IMMP2L: variants seen among roughly 807,000 people sequenced by gnomAD.
IMMP2L encodes inner mitochondrial membrane peptidase subunit 2.
In IMMP2L, 18 loss-of-function variants were observed where a neutral mutation model predicts 19.3. That is an observed-to-expected ratio of 0.93 (90% confidence interval 0.64 to 1.38). IMMP2L has a LOEUF of 1.38. IMMP2L is among the 40% of genes most tolerant of loss of function. IMMP2L has a pLI of 0.00. For synonymous variants in IMMP2L, 76 were observed against 73.0 expected (o/e 1.04, Z -0.21); for missense variants, 233 against 218.2 (o/e 1.07, Z -0.43).
chr7:111,304,627 TATAC>T (rs1418382940), intron 3 of IMMP2L, among the ~76,000 whole-genome samples: 3 of 151,646 alleles, frequency 2.0e-5, no homozygotes, highest in East Asian at 1.9e-4. Flanking sequence ...TATGGGTGTA[TATAC>T]ATACATAATG....
intron 3 of IMMP2L, among the ~76,000 whole-genome samples, chr7:111,098,849 T>A (rs1036111060): frequency 1.3e-5 from 2 of 151,750 alleles, no homozygotes; most frequent in Non-Finnish European, 3.0e-5. Context: ...TGCCTCCCGT[T>A]GGTACTGCCT....
chr7:111,250,659 T>C (rs560332934), intron 3 of IMMP2L, among the ~76,000 whole-genome samples: 1 of 152,238 alleles, frequency 6.6e-6, no homozygotes, highest in African/African-American at 2.4e-5. Flanking sequence ...GGGGAAAGGA[T>C]TCCCTATTTA....
chr7:111,422,624 C>T (rs759866148), intron 3 of IMMP2L, among the ~76,000 whole-genome samples: 18 of 151,776 alleles, frequency 1.2e-4, no homozygotes, highest in South Asian at 6.2e-4. Context: ...TGGGTTGAGA[C>T]GATAGTCTTT....
intron 3 of IMMP2L, among the ~76,000 whole-genome samples, chr7:111,399,060 A>G (rs1413561627): frequency 6.6e-6 from 1 of 152,154 alleles, no homozygotes; most frequent in Non-Finnish European, 1.5e-5. Flanking sequence ...TGCCAAAAGC[A>G]GTCTACAAAT....
intron 3 of IMMP2L, among the ~76,000 whole-genome samples, chr7:111,147,126 T>C (rs1377517611): frequency 1.3e-5 from 2 of 152,166 alleles, no homozygotes; most frequent in Non-Finnish European, 2.9e-5. Context: ...TTCTCTCAAA[T>C]TATTTGGAAG....
Position 111,377,426 on chromosome 7 carries a change from T to A in IMMP2L, c.239+109812A>T, listed in dbSNP as rs371723377. Among the ~76,000 whole-genome samples the A allele has an allele frequency of 2.5e-3, 385 of 152,082 alleles. 5 individuals carry two copies. Among genetic ancestry groups the A allele is most frequent in the African/African-American group, 8.7e-3 (362 of 41,520 alleles). ...CCCTCTATAGTACAGCTCTATAGTA[T>A]AGTATCCCTCTATAATACAGCTCTA... is the stretch of plus-strand genomic sequence containing the variant. On this transcript the variant is annotated intron_variant, in intron 3 of 5. Transcript: ENST00000405709.
At chr7:110,674,668 T>C (rs1266574619) in intron 5 of IMMP2L, among the ~76,000 whole-genome samples, 2 of 152,176 alleles carry the variant, frequency 1.3e-5, no homozygotes, top group South Asian at 2.1e-4. Context: ...ATATCCAAAA[T>C]TTGAAATGTT....
chr7:110,972,178 A>G (rs1436790223), intron 3 of IMMP2L, among the ~76,000 whole-genome samples: 2 of 152,040 alleles, frequency 1.3e-5, no homozygotes, highest in Non-Finnish European at 2.9e-5. Context: ...AAAAAAAAAA[A>G]ATACATGATG....
At chr7:110,927,557 A>G (rs1585299128) in intron 4 of IMMP2L, among the ~76,000 whole-genome samples, 1 of 152,136 alleles carries the variant, frequency 6.6e-6, no homozygotes, top group East Asian at 1.9e-4. Context: ...AGAATGGTCA[A>G]GGAGATGGAA....
At chr7:111,151,538 G>A (rs1804072571) in intron 3 of IMMP2L, among the ~76,000 whole-genome samples, 1 of 152,150 alleles carries the variant, frequency 6.6e-6, no homozygotes, top group Non-Finnish European at 1.5e-5. Flanking sequence ...ATAACCAAAT[G>A]TAAAATGTGG....
At chr7:111,138,167 C>T (rs1178974149) in intron 3 of IMMP2L, among the ~76,000 whole-genome samples, 1 of 152,032 alleles carries the variant, frequency 6.6e-6, no homozygotes. Context: ...CTTTAAAATA[C>T]AAAAAGGTAC....
At chr7:111,376,219 G>A (rs1273375357) in intron 3 of IMMP2L, among the ~76,000 whole-genome samples, 2 of 151,686 alleles carry the variant, frequency 1.3e-5, no homozygotes, top group African/African-American at 2.4e-5. Context: ...CAAGTTTTTT[G>A]GTAAAAAAAA....
At chr7:111,254,415 T>C (rs1168090465) in intron 3 of IMMP2L, among the ~76,000 whole-genome samples, 4 of 152,056 alleles carry the variant, frequency 2.6e-5, no homozygotes, top group African/African-American at 9.7e-5. Context: ...TTTTCACCTA[T>C]CAATCTCTCA....
chr7:111,360,044 C>G (rs995371484), intron 3 of IMMP2L, among the ~76,000 whole-genome samples: 3 of 152,052 alleles, frequency 2.0e-5, no homozygotes, highest in Non-Finnish European at 4.4e-5. Flanking sequence ...CAATTCCTAT[C>G]CTGTTGAAAT....
intron 5 of IMMP2L, among the ~76,000 whole-genome samples, chr7:110,787,477 G>C (rs1013212525): frequency 2.0e-5 from 3 of 151,852 alleles, no homozygotes; most frequent in African/African-American, 7.2e-5. Context: ...ATCCACTTCA[G>C]AAATAATCAA....
chr7:111,014,008 A>T (rs1260105272), intron 3 of IMMP2L, among the ~76,000 whole-genome samples: 1 of 152,128 alleles, frequency 6.6e-6, no homozygotes, highest in Non-Finnish European at 1.5e-5. Flanking sequence ...TATTCACAGC[A>T]AAACTTCATT....
In IMMP2L at chr7:111,445,512, T is replaced by C. The variant is rs575118281; in HGVS notation, c.239+41726A>G. Reference sequence around the variant, plus strand: ...ATGATGAATAATAAAGAAGTATAAATGTGAAGACTGAGAATAACGAAACTT... The same window carrying C: ...ATGATGAATAATAAAGAAGTATAAACGTGAAGACTGAGAATAACGAAACTT... On this transcript the variant is annotated intron_variant, in intron 3 of 5. Transcript: ENST00000405709. 3.9e-5 allele frequency among the ~76,000 whole-genome samples: 6 copies of C among 152,218 alleles called. No homozygotes were observed. The East Asian group carries it at 1.2e-3, about 29-fold the overall frequency.
chr7:111,460,541 C>T (rs1325395777), intron 3 of IMMP2L, among the ~76,000 whole-genome samples: 1 of 150,758 alleles, frequency 6.6e-6, no homozygotes, highest in Non-Finnish European at 1.5e-5. Context: ...TTTTCCTTGT[C>T]TTTTTTTTTA....
chr7:111,393,540 ACT>A (rs1832590174), intron 3 of IMMP2L, among the ~76,000 whole-genome samples: 1 of 152,058 alleles, frequency 6.6e-6, no homozygotes, highest in Non-Finnish European at 1.5e-5. Flanking sequence ...CAGTCTGTAA[ACT>A]CTGCATGCTA....
Sources: allele counts gnomAD v4.1 joint callset (sites outside exome capture counted in the v4.1 genomes callset), GRCh38; gene constraint gnomAD v4.1.1; transcripts MANE v1.5; gene names NCBI Gene and HGNC (gene_info 2026-07-23, HGNC 2026-07-21).